The following ZNF160 variants were observed in gnomAD, a reference collection of about 807,000 sequenced individuals.
ZNF160 encodes the protein KRAB zinc finger protein KR18.
ZNF160 carries 9 observed loss-of-function variants against 13.1 expected under a neutral mutation model. The observed-to-expected ratio is 0.69, with a 90% CI of 0.41 to 1.20. The LOEUF is 1.20. Among genes scored for constraint, ZNF160 ranks in the 50% most tolerant of loss-of-function variants. ZNF160 has a pLI of 0.01. For synonymous variants in ZNF160, 293 were observed against 333.2 expected, an observed-to-expected ratio of 0.88 and a Z score of 1.31; for missense variants, 838 against 988.0, an observed-to-expected ratio of 0.85 and a Z score of 2.04.
rs138177772 is a variant in ZNF160, at chr19:53,082,096, C to T, written c.15+4166G>A. Among the ~76,000 whole-genome samples, 25 of 152,244 alleles carry T rather than the reference C, an allele frequency of 1.6e-4. No homozygotes were observed. The East Asian group carries it at 4.6e-3, about 28-fold the overall frequency. On this transcript the variant is annotated intron_variant, in intron 3 of 5. Coordinates refer to ENST00000683776, the MANE Select transcript of ZNF160 (RefSeq NM_001322131.2). ...CAAACACAAAGATGAGAACAACAGACACTGGCGACTCCAAAAAGGAAGAGG... is the reference window on the plus strand; with the variant it reads ...CAAACACAAAGATGAGAACAACAGATACTGGCGACTCCAAAAAGGAAGAGG...
Position 53,086,570 on chromosome 19 carries a change from CT to C in ZNF160, c.-45-250del, listed in dbSNP as rs544167970. On this transcript the variant is annotated intron_variant, in intron 2 of 5. Coordinates refer to ENST00000683776, the MANE Select transcript of ZNF160 (RefSeq NM_001322131.2). ...TTCCTCCTGGAGAAGCCCACACACACTGCAGCAGTGGGGAGCTGGGCTGGAC... is the reference window on the plus strand; with the variant it reads ...TTCCTCCTGGAGAAGCCCACACACACGCAGCAGTGGGGAGCTGGGCTGGAC... Among the ~76,000 whole-genome samples, 190 of 152,212 alleles carry C rather than the reference CT, an allele frequency of 1.2e-3. No individual in the cohort carries two copies. In the Middle Eastern group the frequency reaches 0.014, roughly 11 times the overall value.
chr19:53,069,270 C>G lies in ZNF160; in HGVS notation c.1264G>C (p.Glu422Gln), dbSNP rs773430905. 6.2e-6 allele frequency: 10 copies of G among 1,612,426 alleles called. 1 individual carries two copies. The South Asian group carries it at 1.1e-4, about 18-fold the overall frequency. ...CATTCATTACATTTGTAAGGTTTTT[C>G]TCCAGTGTGGATTGTCTGATGGATT... Reference protein sequence around the residue: ...LAIHQTIHTGEKPYKCNECGK... With the variant: ...LAIHQTIHTGQKPYKCNECGK... The change falls in exon 6 of 6, where the codon GAA becomes CAA. Residue 422 changes from glutamate to glutamine, a missense_variant. Glu to Gln is a conservative substitution (Grantham distance 29). Transcript: ENST00000683776. This position sits in a 1 kb window ranked among gnomAD's most constrained non-coding sequence, Gnocchi z 4.4.
At chr19:53,096,173 C>T (rs888577527) in intron 1 of ZNF160, among the ~76,000 whole-genome samples, 10 of 152,150 alleles carry the variant, frequency 6.6e-5, no homozygotes, top group Non-Finnish European at 1.2e-4. Flanking sequence ...GAGCTGAGAT[C>T]GCACCACTGC....
At chr19:53,100,860 G>A (rs957224055) in intron 1 of ZNF160, among the ~76,000 whole-genome samples, 5 of 151,984 alleles carry the variant, frequency 3.3e-5, no homozygotes, top group African/African-American at 9.7e-5. Flanking sequence ...GCAGGTGCCT[G>A]TAATCCCAGC....
chr19:53,098,830 G>A lies in ZNF160; in HGVS notation c.-354+4435C>T, dbSNP rs200457129. Among the ~76,000 whole-genome samples, 151 of 151,120 alleles carry A rather than the reference G, an allele frequency of 1.0e-3. No individual in the cohort carries two copies. In the East Asian group the frequency reaches 0.02, roughly 20 times the overall value. ...GAAGACCCGGGAGCTGGAGTAAGGC[G>A]GTGGGGACGCCTCGGCACTGGCTGA... On this transcript the variant is annotated intron_variant, in intron 1 of 5. Transcript: ENST00000683776.
Position 53,069,440 on chromosome 19 carries a change from C to T in ZNF160, c.1094G>A (p.Gly365Glu). ...TTCATTACATTTGAACGGTTTTTCTCCAGTATGAATTAACTGATGGGTAGT... is the reference window on the plus strand; with the variant it reads ...TTCATTACATTTGAACGGTTTTTCTTCAGTATGAATTAACTGATGGGTAGT... ...NLTTHQLIHTGEKPFKCNECG... is the reference protein window; with the variant it reads ...NLTTHQLIHTEEKPFKCNECG... Residue 365 changes from glycine (G) to glutamate (E), a missense_variant, in exon 6 of 6, where the codon GGA (glycine) becomes GAA (glutamate). Gly to Glu is a moderately conservative substitution (Grantham distance 98). This residue lies in a region of ZNF160 where 400 missense variants were observed against 538.9 expected (regional missense o/e 0.74). Coordinates refer to ENST00000683776, the MANE Select transcript of ZNF160 (RefSeq NM_001322131.2). This position sits in a 1 kb window ranked among gnomAD's most constrained non-coding sequence, Gnocchi z 4.4. The T allele has an allele frequency of 6.2e-7, 1 of 1,614,068 alleles. No homozygotes were observed. The highest frequency in any genetic ancestry group is 8.5e-7 in the Non-Finnish European group (1 of 1,180,014).
At chr19:53,091,940 C>T (rs2085051416) in intron 1 of ZNF160, among the ~76,000 whole-genome samples, 1 of 152,206 alleles carries the variant, frequency 6.6e-6, no homozygotes, top group South Asian at 2.1e-4. Context: ...CAATAACTTG[C>T]TTTTTAAAAA....
chr19:53,075,967 T>G, intron 3 of ZNF160: 1 of 293,348 alleles, frequency 3.4e-6, no homozygotes, highest in Non-Finnish European at 6.9e-6. Context: ...TGGAATCAAA[T>G]ATGAGAACAC....
At chr19:53,071,645 AGT>A (rs1402435966) in intron 5 of ZNF160, among the ~76,000 whole-genome samples, 2 of 151,880 alleles carry the variant, frequency 1.3e-5, no homozygotes, top group East Asian at 3.9e-4. Context: ...CCTTAGAGAC[AGT>A]GAGATGTCTT....
At chr19:53,074,659 G>T (rs1194399805) in intron 4 of ZNF160, among the ~76,000 whole-genome samples, 1 of 119,552 alleles carries the variant, frequency 8.4e-6, no homozygotes, top group South Asian at 2.7e-4. Flanking sequence ...GACAGAGCGA[G>T]ACTCCGCCTC....
intron 2 of ZNF160, among the ~76,000 whole-genome samples, chr19:53,088,891 G>A (rs549759714): frequency 1.3e-5 from 2 of 152,266 alleles, no homozygotes; most frequent in South Asian, 2.1e-4. Flanking sequence ...GGGTTCAGTC[G>A]CACAGGACTG....
intron 1 of ZNF160, chr19:53,093,558 A>G (rs2085113918): frequency 1.3e-5 from 2 of 152,218 alleles, no homozygotes; most frequent in South Asian, 4.1e-4. Context: ...GTGAAACTCA[A>G]AACTAATGAA....
chr19:53,083,524 T>C (rs781538887), intron 3 of ZNF160, among the ~76,000 whole-genome samples: 2 of 152,184 alleles, frequency 1.3e-5, no homozygotes, highest in Non-Finnish European at 2.9e-5. Context: ...GAACAAATAA[T>C]TGAGAAAGGG....
In ZNF160 at chr19:53,079,277, A is replaced by C. The variant is rs139667441; in HGVS notation, c.16-4094T>G. Among the ~76,000 whole-genome samples, 40 of 151,756 alleles carry C rather than the reference A, an allele frequency of 2.6e-4. No homozygotes were observed. The East Asian group carries it at 7.5e-3, about 29-fold the overall frequency. Reference sequence around the variant, plus strand: ...GATAAAAATGCTCAACAATTCGGGCACGGTGGCTCACGCCTGTAATCTCAG... The same window carrying C: ...GATAAAAATGCTCAACAATTCGGGCCCGGTGGCTCACGCCTGTAATCTCAG... On this transcript the variant is annotated intron_variant, in intron 3 of 5. Coordinates refer to ENST00000683776, the MANE Select transcript of ZNF160 (RefSeq NM_001322131.2).
chr19:53,085,758 C>A, intron 3 of ZNF160: 1 of 390,620 alleles, frequency 2.6e-6, no homozygotes, highest in South Asian at 4.9e-5. Context: ...CTAAACTTTC[C>A]ATTCTGTTCC....
At chr19:53,094,103 C>A (rs1440721909) in intron 1 of ZNF160, among the ~76,000 whole-genome samples, 1 of 152,160 alleles carries the variant, frequency 6.6e-6, no homozygotes, top group Admixed American at 6.5e-5. Context: ...ATCTACAACA[C>A]AAAATACTCC....
rs554355400 is a variant in ZNF160 at position 53,092,259 on chromosome 19, T to C, written c.-353-539A>G. 2.5e-3 allele frequency among the ~76,000 whole-genome samples: 379 copies of C among 152,364 alleles called. 4 individuals carry two copies. Among genetic ancestry groups the C allele is most frequent in the African/African-American group, 8.4e-3 (348 of 41,588 alleles). On this transcript the variant is annotated intron_variant, in intron 1 of 5. Transcript: ENST00000683776. ...CATCTTCAGAAAACATTTACATTTA[T>C]ATTCACCTCAAGGGTAATTAATTTT... is the stretch of plus-strand genomic sequence containing the variant.
chr19:53,073,223 A>C, intron 5 of ZNF160: 2 of 1,445,784 alleles, frequency 1.4e-6, no homozygotes, highest in Non-Finnish European at 1.8e-6. Context: ...AACATGCAGT[A>C]CTTGTATTTC....
intron 3 of ZNF160, among the ~76,000 whole-genome samples, chr19:53,084,134 A>G (rs2084739573): frequency 6.6e-6 from 1 of 152,154 alleles, no homozygotes; most frequent in Non-Finnish European, 1.5e-5. Context: ...GTCCTGCTAC[A>G]AAACTCTCTC....
Sources: gnomAD v4.1 joint callset for allele counts (sites outside exome capture counted in the v4.1 genomes callset) on GRCh38, gnomAD v4.1.1 for gene constraint, gnomAD v4.1.1 regional missense constraint, Gnocchi (gnomAD v3.1) non-coding constraint, MANE v1.5 for transcripts, NCBI Gene and HGNC (gene_info 2026-07-23, HGNC 2026-07-21) for gene names.